The following TSNARE1 variants were observed in gnomAD, a reference collection of about 807,000 sequenced individuals.
The protein encoded by TSNARE1 is t-SNARE domain containing 1.
Under a neutral mutation model 62.0 loss-of-function variants are expected in TSNARE1, and 49 were observed. The ratio of observed to expected loss-of-function variants is 0.79; its 90% CI spans 0.63 to 1.00. TSNARE1 has a LOEUF of 1.00. Among genes scored for constraint, TSNARE1 ranks in the 50% least tolerant of loss-of-function variants. The probability of loss-of-function intolerance (pLI) is 0.00; values close to 1 mark genes in which losing one functional copy is unlikely to be tolerated. For missense variants in TSNARE1, 755 were observed against 700.1 expected (o/e 1.08, Z -0.88); for synonymous variants, 328 against 294.4 (o/e 1.11, Z -1.17).
At chr8:142,223,361 C>T (rs1011584055) in intron 13 of TSNARE1, among the ~76,000 whole-genome samples, 15 of 148,366 alleles carry the variant, frequency 1.0e-4, no homozygotes, top group Admixed American at 3.4e-4. Flanking sequence ...CACTCACTCA[C>T]TCATCCACTC....
chr8:142,353,147 C>CT (rs1048924881), intron 2 of TSNARE1, among the ~76,000 whole-genome samples: 1 of 152,102 alleles, frequency 6.6e-6, no homozygotes, highest in Non-Finnish European at 1.5e-5. Context: ...TAAGCACCCC[C>CT]TCCCCGAGGG....
At chr8:142,380,129 T>C (rs1216267315) in intron 1 of TSNARE1, among the ~76,000 whole-genome samples, 8 of 152,118 alleles carry the variant, frequency 5.3e-5, no homozygotes, top group Admixed American at 5.2e-4. Context: ...GTCCAGGGCG[T>C]ACCACGTCAC....
intron 11 of TSNARE1, among the ~76,000 whole-genome samples, chr8:142,281,560 A>G (rs1376813537): frequency 6.6e-6 from 1 of 151,794 alleles, no homozygotes; most frequent in Non-Finnish European, 1.5e-5. Context: ...GGCTCTCCAC[A>G]AGCAGAGGAG....
chr8:142,257,759 C>T (rs1369683710), intron 12 of TSNARE1, among the ~76,000 whole-genome samples: 1 of 152,122 alleles, frequency 6.6e-6, no homozygotes, highest in African/African-American at 2.4e-5. Context: ...CCTCTACCCA[C>T]CCTGGCCAGG....
At chr8:142,323,358 T>C (rs1829769387) in intron 6 of TSNARE1, among the ~76,000 whole-genome samples, 3 of 152,144 alleles carry the variant, frequency 2.0e-5, no homozygotes, top group African/African-American at 2.4e-5. Context: ...CACTGTGGCA[T>C]GGGGCAGGCG....
chr8:142,335,576 T>C (rs1407815749), intron 4 of TSNARE1, among the ~76,000 whole-genome samples: 2 of 150,514 alleles, frequency 1.3e-5, no homozygotes, highest in Non-Finnish European at 3.0e-5. Context: ...AATGGAATGC[T>C]AAATAGCACT....
At chr8:142,255,078 C>A (rs1307607258) in intron 12 of TSNARE1, among the ~76,000 whole-genome samples, 1 of 151,984 alleles carries the variant, frequency 6.6e-6, no homozygotes, top group African/African-American at 2.4e-5. Flanking sequence ...CAGCAGGGGG[C>A]AAGAGGAGAG....
At chr8:142,282,667 T>A (rs1332383149) in intron 11 of TSNARE1, among the ~76,000 whole-genome samples, 1 of 109,974 alleles carries the variant, frequency 9.1e-6, no homozygotes, top group Non-Finnish European at 1.8e-5. Context: ...TGAGCGGAGG[T>A]GGGGCCACTG....
At chr8:142,281,402 G>C (rs1821426628) in intron 11 of TSNARE1, among the ~76,000 whole-genome samples, 1 of 152,054 alleles carries the variant, frequency 6.6e-6, no homozygotes, top group South Asian at 2.1e-4. Context: ...CCAAAACACA[G>C]CAGGGATGGG....
chr8:142,309,380 G>A (rs142402264), intron 9 of TSNARE1, among the ~76,000 whole-genome samples: 244 of 152,246 alleles, frequency 1.6e-3, no homozygotes, highest in African/African-American at 5.7e-3. Context: ...TAAGCCTAAC[G>A]TTAACTGTAG....
At chr8:142,362,111 T>A (rs1053615039) in intron 1 of TSNARE1, among the ~76,000 whole-genome samples, 3 of 152,132 alleles carry the variant, frequency 2.0e-5, no homozygotes, top group Non-Finnish European at 4.4e-5. Context: ...CTCTGCCGGG[T>A]GCGCAGCTTT....
intron 7 of TSNARE1, among the ~76,000 whole-genome samples, chr8:142,315,832 G>A (rs559821419): frequency 4.6e-5 from 7 of 152,316 alleles, no homozygotes; most frequent in African/African-American, 9.6e-5. Context: ...TCTGACAGCC[G>A]AGGGGCACTG....
At chr8:142,281,099 G>C (rs1821371712) in intron 11 of TSNARE1, among the ~76,000 whole-genome samples, 2 of 152,220 alleles carry the variant, frequency 1.3e-5, no homozygotes, top group Admixed American at 6.5e-5. Flanking sequence ...GAGGGACCAG[G>C]AGGCTGTTCT....
At chr8:142,318,401 G>A (rs1281730248) in intron 7 of TSNARE1, 143 bp downstream of exon 7, 4 of 798,192 alleles carry the variant, frequency 5.0e-6, no homozygotes, top group East Asian at 2.5e-5. Context: ...TGGAGCCATG[G>A]GAGGCTGGGT....
chr8:142,397,775 C>T (rs866485537), intron 1 of TSNARE1, among the ~76,000 whole-genome samples: 1 of 152,134 alleles, frequency 6.6e-6, no homozygotes, highest in Non-Finnish European at 1.5e-5. Flanking sequence ...TGCCAGTCCA[C>T]TCAGCTGCGT....
At chr8:142,246,156 C>A (rs1817875524) in intron 12 of TSNARE1, among the ~76,000 whole-genome samples, 2 of 152,146 alleles carry the variant, frequency 1.3e-5, no homozygotes, top group Admixed American at 1.3e-4. Context: ...TGTCCACTTG[C>A]CAAGGGCACC....
chr8:142,306,285 T>C (rs1826652409), intron 9 of TSNARE1, among the ~76,000 whole-genome samples: 2 of 152,124 alleles, frequency 1.3e-5, no homozygotes, highest in Admixed American at 6.5e-5. Context: ...TGGAGGCGTG[T>C]CTAGGCAATT....
chr8:142,274,175 C>T (rs906584270), intron 12 of TSNARE1: 2 of 985,316 alleles, frequency 2.0e-6, no homozygotes, highest in Admixed American at 6.1e-5. Flanking sequence ...GAGCACCAGG[C>T]CACAATGGGG....
At chr8:142,272,935 G>A in intron 12 of TSNARE1, 1 of 985,452 alleles carries the variant, frequency 1.0e-6, no homozygotes, top group South Asian at 4.7e-5. Flanking sequence ...CTATGCAGAG[G>A]CAACTTCACA....
Sources: allele counts gnomAD v4.1 joint callset (sites outside exome capture counted in the v4.1 genomes callset), GRCh38; gene constraint gnomAD v4.1.1; transcripts MANE v1.5; gene names NCBI Gene and HGNC (gene_info 2026-07-23, HGNC 2026-07-21).